ENTPD1: variants seen among roughly 807,000 people sequenced by gnomAD.
ENTPD1 encodes the protein ATP diphosphohydrolase.
ENTPD1 carries 33 observed loss-of-function variants against 57.0 expected under a neutral mutation model. That is an observed-to-expected ratio of 0.58 (90% confidence interval 0.44 to 0.77). ENTPD1 has a LOEUF of 0.77. ENTPD1 is among the 30% of genes least tolerant of loss of function. ENTPD1 has a pLI of 0.00. For synonymous variants in ENTPD1, 202 were observed against 218.8 expected (o/e 0.92, Z 0.68); for missense variants, 501 against 603.4 (o/e 0.83, Z 1.78).
upstream of ENTPD1, among the ~76,000 whole-genome samples, chr10:95,710,906 A>T (rs976101948): frequency 1.3e-5 from 2 of 152,210 alleles, no homozygotes; most frequent in African/African-American, 4.8e-5. Flanking sequence ...TAGCCAAAAG[A>T]TGACATTGCC....
intron 1 of ENTPD1, among the ~76,000 whole-genome samples, chr10:95,713,439 C>T (rs981692137): frequency 6.6e-6 from 1 of 152,114 alleles, no homozygotes; most frequent in Admixed American, 6.5e-5. Flanking sequence ...ATTCTCTTGA[C>T]AAAATTAAAA....
chr10:95,855,994 A>T (rs901837857), intron 7 of ENTPD1, among the ~76,000 whole-genome samples: 5 of 152,134 alleles, frequency 3.3e-5, no homozygotes, highest in Admixed American at 6.6e-5. Flanking sequence ...GCCTTGCTAG[A>T]TTGGGGAAGT....
the ENTPD1 span, among the ~76,000 whole-genome samples, chr10:95,702,527 T>C: frequency 3.3e-5 from 5 of 151,796 alleles, no homozygotes; most frequent in Non-Finnish European, 5.9e-5. Flanking sequence ...AATACTGATA[T>C]GTAATTGGGC....
At chr10:95,779,042 G>C (rs552165679) in intron 1 of ENTPD1, among the ~76,000 whole-genome samples, 20 of 152,158 alleles carry the variant, frequency 1.3e-4, no homozygotes, top group Non-Finnish European at 2.8e-4. Flanking sequence ...AATCTAGCTG[G>C]ATTCTCTGTT....
chr10:95,864,885 G>T (rs770748617), intron 9 of ENTPD1, 24 bp downstream of exon 9: 3 of 1,610,822 alleles, frequency 1.9e-6, no homozygotes, highest in South Asian at 1.1e-5. Context: ...CTGTTGGGCT[G>T]GGGGGAGGTT....
At chr10:95,774,931 A>G (rs1355629041) in intron 1 of ENTPD1, among the ~76,000 whole-genome samples, 3 of 152,114 alleles carry the variant, frequency 2.0e-5, no homozygotes, top group Non-Finnish European at 4.4e-5. Flanking sequence ...CAGTATGGCC[A>G]TTTTCATGAT....
At chr10:95,721,847 T>G (rs905566975) in intron 1 of ENTPD1, among the ~76,000 whole-genome samples, 2 of 152,286 alleles carry the variant, frequency 1.3e-5, no homozygotes, top group East Asian at 3.8e-4. Flanking sequence ...GTAGCAGTCC[T>G]GCACCCCTTT....
intron 8 of ENTPD1, among the ~76,000 whole-genome samples, chr10:95,862,769 T>C (rs2098467469): frequency 6.6e-6 from 1 of 152,218 alleles, no homozygotes; most frequent in South Asian, 2.1e-4. Flanking sequence ...GTGAACAATG[T>C]GATCAGATTC....
At chr10:95,708,268 C>T (rs2097963321), upstream of ENTPD1, among the ~76,000 whole-genome samples, 1 of 151,154 alleles carries the variant, frequency 6.6e-6, no homozygotes, top group Admixed American at 6.6e-5. Flanking sequence ...GGCTGGAGTG[C>T]AGTGCCGTGA....
intron 1 of ENTPD1, among the ~76,000 whole-genome samples, chr10:95,744,643 G>C (rs1473174000): frequency 1.3e-5 from 2 of 151,368 alleles, no homozygotes; most frequent in African/African-American, 2.4e-5. Context: ...AAAGTGACTA[G>C]GTCAGCACCC....
chr10:95,726,350 T>C (rs530356702), intron 1 of ENTPD1, among the ~76,000 whole-genome samples: 2 of 152,344 alleles, frequency 1.3e-5, no homozygotes, highest in South Asian at 4.1e-4. Context: ...CTTTTTATAA[T>C]TATTCATATT....
chr10:95,810,428 T>C (rs1421584152), intron 1 of ENTPD1, among the ~76,000 whole-genome samples: 1 of 147,846 alleles, frequency 6.8e-6, no homozygotes, highest in African/African-American at 2.5e-5. Flanking sequence ...GCAGAGGCGC[T>C]CCTCACTTCC....
At chr10:95,787,858 C>T (rs2098186844) in intron 1 of ENTPD1, among the ~76,000 whole-genome samples, 1 of 152,120 alleles carries the variant, frequency 6.6e-6, no homozygotes, top group African/African-American at 2.4e-5. Flanking sequence ...GTGCCTACTA[C>T]AGTGCTTGTC....
intron 4 of ENTPD1, chr10:95,843,297 C>T (rs1193892035): frequency 6.6e-6 from 1 of 152,120 alleles, no homozygotes; most frequent in Non-Finnish European, 1.5e-5. Context: ...ACCGGATGTG[C>T]AAAGGTAGGG....
Position 95,868,336 on chromosome 10 carries a change from G to A in ENTPD1, c.*1953G>A. ...GGGACTTGGTATTCATAGAAAGGGA[G>A]GCAGAAAGCTGGTCTGTTCCTGATA... On this transcript the variant is annotated 3_prime_UTR_variant, in exon 10 of 10. Coordinates refer to ENST00000371205, the MANE Select transcript of ENTPD1 (RefSeq NM_001776.6). The A allele has an allele frequency of 1.0e-6, 1 of 985,458 alleles. No individual in the cohort carries two copies. Among genetic ancestry groups the A allele is most frequent in the Non-Finnish European group, 1.2e-6 (1 of 829,940 alleles). 61.0% of individuals were successfully genotyped at this position (985,458 alleles called of 1,614,324 possible).
chr10:95,847,005 T>A (rs1377990365), intron 6 of ENTPD1, among the ~76,000 whole-genome samples: 5 of 152,066 alleles, frequency 3.3e-5, no homozygotes, highest in African/African-American at 7.2e-5. Flanking sequence ...AAAAATTATT[T>A]TTCTTGGATA....
chr10:95,699,889 A>G, the ENTPD1 span, among the ~76,000 whole-genome samples: 3 of 152,216 alleles, frequency 2.0e-5, no homozygotes, highest in Admixed American at 1.3e-4. Flanking sequence ...ACTGCAGCCA[A>G]AGGAGACAGC....
chr10:95,747,875 A>ATT (rs111914871), intron 1 of ENTPD1, among the ~76,000 whole-genome samples: 1 of 144,670 alleles, frequency 6.9e-6, no homozygotes, highest in African/African-American at 2.5e-5. Context: ...CTGGCAAATG[A>ATT]TTTTTTTTTT....
upstream of ENTPD1, among the ~76,000 whole-genome samples, chr10:95,711,255 G>A (rs2097965347): frequency 1.3e-5 from 2 of 152,186 alleles, no homozygotes; most frequent in Admixed American, 6.5e-5. Flanking sequence ...TTCTGGAGAG[G>A]CTTCTACCCC....
Sources: allele counts gnomAD v4.1 joint callset (sites outside exome capture counted in the v4.1 genomes callset), GRCh38; gene constraint gnomAD v4.1.1; transcripts MANE v1.5; gene names NCBI Gene and HGNC (gene_info 2026-07-23, HGNC 2026-07-21).